The following KIF21A variants were observed in gnomAD, a reference collection of about 807,000 sequenced individuals.
KIF21A encodes kinesin-like protein KIF21A.
In KIF21A, 114 loss-of-function variants were observed where a neutral mutation model predicts 202.9. The observed-to-expected ratio is 0.56, with a 90% CI of 0.48 to 0.66. KIF21A has a LOEUF of 0.66. Ranked by LOEUF, KIF21A falls within the 30% of genes least tolerant of loss-of-function variation. The probability of loss-of-function intolerance (pLI) is 0.00; values close to 1 mark genes in which losing one functional copy is unlikely to be tolerated. For synonymous variants in KIF21A, 667 were observed against 670.8 expected (o/e 0.99, Z 0.09); for missense variants, 1,677 against 1,994.9 (o/e 0.84, Z 3.04).
intron 34 of KIF21A, 46 bp downstream of exon 34, chr12:39,307,519 T>C (rs373714302): frequency 6.7e-5 from 105 of 1,568,846 alleles, no homozygotes; most frequent in Non-Finnish European, 8.0e-5. Flanking sequence ...ATGTCTGAAG[T>C]TGTATTTGCC....
In KIF21A at chr12:39,357,425, T is replaced by C. The variant is rs1948857484; in HGVS notation, c.1228A>G (p.Ile410Val). The change falls in exon 9 of 38, where the codon ATT (isoleucine) becomes GTT (valine). Residue 410 changes from isoleucine to valine, a missense_variant. Ile to Val is a conservative substitution (Grantham distance 29). This residue lies in a region of KIF21A where 966 missense variants were observed against 1,180.9 expected (regional missense o/e 0.82). Transcript: ENST00000361418. ...ATGCTTTCCACACCCTCTTCGTCAATTATTCTTTTACCCTAGTAAAGGAAA... is the reference window on the plus strand; with the variant it reads ...ATGCTTTCCACACCCTCTTCGTCAACTATTCTTTTACCCTAGTAAAGGAAA... ...LMEYKTGKRI[I>V]DEEGVESIND... is the part of the protein sequence containing the mutation. 3 of 1,613,888 alleles carry C rather than the reference T, an allele frequency of 1.9e-6. No individual in the cohort carries two copies. In the East Asian group the frequency reaches 6.7e-5, roughly 36 times the overall value.
chr12:39,327,289 G>C (rs56858582), intron 24 of KIF21A, among the ~76,000 whole-genome samples: 8,034 of 152,030 alleles, frequency 0.053, 242 homozygotes, highest in Middle Eastern at 0.082. Context: ...TCATTGTTCA[G>C]TAATACTTGG....
At chr12:39,413,722 T>C (rs971388320) in intron 1 of KIF21A, among the ~76,000 whole-genome samples, 9 of 152,248 alleles carry the variant, frequency 5.9e-5, no homozygotes, top group South Asian at 4.1e-4. Context: ...TGCAGTACAC[T>C]ATGATTGTGC....
chr12:39,360,839 C>T (rs528277374), intron 7 of KIF21A, among the ~76,000 whole-genome samples: 190 of 152,266 alleles, frequency 1.2e-3, no homozygotes, highest in African/African-American at 4.2e-3. Context: ...TGCACATAAA[C>T]ATATGGAGCT....
intron 1 of KIF21A, among the ~76,000 whole-genome samples, chr12:39,414,854 CATG>C (rs1451141085): frequency 6.6e-6 from 1 of 151,208 alleles, no homozygotes; most frequent in African/African-American, 2.4e-5. Context: ...ATATTAATAA[CATG>C]ATGAAGATTA....
At chr12:39,302,252 T>C (rs1471157243) in intron 36 of KIF21A, among the ~76,000 whole-genome samples, 5 of 152,234 alleles carry the variant, frequency 3.3e-5, no homozygotes, top group Non-Finnish European at 7.3e-5. Flanking sequence ...TGTATGTTTA[T>C]TTTTAAAAAG....
chr12:39,336,360 T>C (rs1410635747), intron 17 of KIF21A, among the ~76,000 whole-genome samples: 1 of 152,214 alleles, frequency 6.6e-6, no homozygotes, highest in African/African-American at 2.4e-5. Flanking sequence ...ATTAGCACGT[T>C]GAGATGTATC....
At chr12:39,396,809 A>G (rs1951791535) in intron 1 of KIF21A, among the ~76,000 whole-genome samples, 1 of 152,220 alleles carries the variant, frequency 6.6e-6, no homozygotes, top group Non-Finnish European at 1.5e-5. Flanking sequence ...CACAATGCAA[A>G]TATTTATCAA....
intron 1 of KIF21A, among the ~76,000 whole-genome samples, chr12:39,434,797 C>A (rs1439740740): frequency 6.6e-6 from 1 of 152,134 alleles, no homozygotes; most frequent in Non-Finnish European, 1.5e-5. Flanking sequence ...ACCATGTGAT[C>A]AATATGCCAC....
chr12:39,416,467 G>A (rs1447523714), intron 1 of KIF21A, among the ~76,000 whole-genome samples: 2 of 151,676 alleles, frequency 1.3e-5, no homozygotes, highest in Non-Finnish European at 2.9e-5. Context: ...GTGGTGGCAG[G>A]TGACTGTAAT....
chr12:39,409,492 C>T (rs1592605940), intron 1 of KIF21A, among the ~76,000 whole-genome samples: 1 of 147,280 alleles, frequency 6.8e-6, no homozygotes, highest in East Asian at 2.0e-4. Context: ...CACTGAACTC[C>T]AGCTTGAGTG....
At chr12:39,392,926 TAATAA>T (rs1312069117) in intron 1 of KIF21A, among the ~76,000 whole-genome samples, 2 of 144,666 alleles carry the variant, frequency 1.4e-5, no homozygotes, top group Non-Finnish European at 3.0e-5. Flanking sequence ...AATAAAAAGG[TAATAA>T]AATAAAATAA....
chr12:39,296,744 T>C (rs79116433), intron 37 of KIF21A, among the ~76,000 whole-genome samples: 2,629 of 152,226 alleles, frequency 0.017, 71 homozygotes, highest in African/African-American at 0.059. Flanking sequence ...AAGAGGTTAT[T>C]GGGGTTGCAA....
rs1458213243 is a variant in KIF21A at position 39,332,753 on chromosome 12, A to G, written c.2703-9T>C. Reference sequence around the variant, plus strand: ...TCCTCTGATATTTTTTCCTATAATCATATAAAACAGACAAGCTCAATTACT... The same window carrying G: ...TCCTCTGATATTTTTTCCTATAATCGTATAAAACAGACAAGCTCAATTACT... On this transcript the variant is annotated splice_polypyrimidine_tract_variant and intron_variant, in intron 19 of 37. Transcript: ENST00000361418. 1 of 1,613,988 alleles carries G rather than the reference A, an allele frequency of 6.2e-7. No homozygotes were observed.
chr12:39,322,183 G>C (rs1945343297), intron 27 of KIF21A: 1 of 153,248 alleles, frequency 6.5e-6, no homozygotes, highest in Non-Finnish European at 1.4e-5. Context: ...TAAAAAATTA[G>C]GAAAGCTCAA....
Position 39,332,803 on chromosome 12 carries a change from G to A in KIF21A, c.2703-59C>T, listed in dbSNP as rs569481608. 2.5e-6 allele frequency: 4 copies of A among 1,593,438 alleles called. No individual in the cohort carries two copies. In the East Asian group the frequency reaches 8.9e-5, roughly 36 times the overall value. Reference sequence around the variant, plus strand: ...TTATGCACTTATTTGATTGTGCACTGCCAAATAATGAGCCATTTTTTCATT... The same window carrying A: ...TTATGCACTTATTTGATTGTGCACTACCAAATAATGAGCCATTTTTTCATT... On this transcript the variant is annotated intron_variant, in intron 19 of 37. Coordinates refer to ENST00000361418, the MANE Select transcript of KIF21A (RefSeq NM_001173464.2).
chr12:39,309,674 T>C lies in KIF21A; in HGVS notation c.4189A>G (p.Asn1397Asp), dbSNP rs1202745618. 6.2e-7 allele frequency: 1 copy of C among 1,612,974 alleles called. No homozygotes were observed. Among genetic ancestry groups the C allele is most frequent in the Middle Eastern group, 1.7e-4 (1 of 6,058 alleles). The change falls in exon 33 of 38, where the codon AAT becomes GAT. Residue 1397 changes from asparagine (N) to aspartate (D), a missense_variant. Around this residue, in one of 3 missense-constraint regions of KIF21A, gnomAD observed 705 missense variants for 791.9 expected, o/e 0.89. Transcript: ENST00000361418. Reference sequence around the variant, plus strand: ...ACAGTGAAGACCAAACTGGTATAATTACAGTATTTTACAGACACGACATTG... The same window carrying C: ...ACAGTGAAGACCAAACTGGTATAATCACAGTATTTTACAGACACGACATTG... ...PNNVVSVKYC[N>D]YTSLVFTVST...
chr12:39,357,075 G>C (rs1209899220), intron 9 of KIF21A, among the ~76,000 whole-genome samples, 173 bp downstream of exon 9: 1 of 152,160 alleles, frequency 6.6e-6, no homozygotes, highest in African/African-American at 2.4e-5. Flanking sequence ...GGAATATTTT[G>C]TTTATATAAG....
chr12:39,310,854 A>T (rs1053496470), intron 32 of KIF21A, among the ~76,000 whole-genome samples: 1 of 152,050 alleles, frequency 6.6e-6, no homozygotes, highest in Non-Finnish European at 1.5e-5. Context: ...AGAGTGCAGG[A>T]TTGAAGAAGG....
Sources: gnomAD v4.1 joint callset for allele counts (sites outside exome capture counted in the v4.1 genomes callset) on GRCh38, gnomAD v4.1.1 for gene constraint, gnomAD v4.1.1 regional missense constraint, MANE v1.5 for transcripts, NCBI Gene and HGNC (gene_info 2026-07-23, HGNC 2026-07-21) for gene names.